Variants in PSD3 observed in about 807,000 individuals in gnomAD.
PSD3 encodes pleckstrin and Sec7 domain containing 3.
PSD3 carries 49 observed loss-of-function variants against 105.5 expected under a neutral mutation model. That is an observed-to-expected ratio of 0.46 (90% CI 0.37 to 0.59). PSD3 has a LOEUF of 0.59. Ranked by LOEUF, PSD3 falls within the 20% of genes least tolerant of loss-of-function variation. The pLI, the probability that PSD3 is intolerant of heterozygous loss-of-function variation, is 0.00. For missense variants in PSD3, 1,561 were observed against 1,263.8 expected (o/e 1.24, Z -3.57); for synonymous variants, 557 against 457.8 (o/e 1.22, Z -2.77).
At chr8:18,631,372 A>G (rs17695311) in intron 11 of PSD3, among the ~76,000 whole-genome samples, 5,403 of 152,082 alleles carry the variant, frequency 0.036, 125 homozygotes, top group East Asian at 0.1. Flanking sequence ...CCTCTCAGTG[A>G]TACAAGTCAG....
At chr8:18,780,721 T>C (rs1177736562) in intron 8 of PSD3, among the ~76,000 whole-genome samples, 4 of 151,884 alleles carry the variant, frequency 2.6e-5, no homozygotes, top group African/African-American at 4.8e-5. Flanking sequence ...GCCTGGCTAA[T>C]TTTTTTGTAT....
intron 4 of PSD3, among the ~76,000 whole-genome samples, chr8:18,853,316 T>C (rs534306248): frequency 5.9e-5 from 9 of 152,316 alleles, no homozygotes; most frequent in African/African-American, 9.6e-5. Context: ...GTTATAATCA[T>C]TGACTACCCT....
intron 2 of PSD3, among the ~76,000 whole-genome samples, chr8:18,889,503 A>G (rs1473658433): frequency 2.6e-5 from 4 of 152,138 alleles, no homozygotes; most frequent in African/African-American, 9.7e-5. Flanking sequence ...TATAGCCCAA[A>G]GCCTGCCAAA....
intron 11 of PSD3, among the ~76,000 whole-genome samples, chr8:18,606,403 G>T (rs946829826): frequency 6.6e-6 from 1 of 152,000 alleles, no homozygotes; most frequent in Non-Finnish European, 1.5e-5. Flanking sequence ...TTTATTCCTG[G>T]CCTAACAGGA....
At chr8:18,536,003 A>T (rs1264818522) in intron 15 of PSD3, 45 bp from the exon 16 acceptor site, 1 of 1,559,372 alleles carries the variant, frequency 6.4e-7, no homozygotes, top group Non-Finnish European at 8.8e-7. Context: ...AAACTGTTCA[A>T]AATGCACGTG....
intron 10 of PSD3, among the ~76,000 whole-genome samples, chr8:18,651,882 G>A (rs1476181190): frequency 6.6e-6 from 1 of 152,160 alleles, no homozygotes; most frequent in Non-Finnish European, 1.5e-5. Flanking sequence ...AGAACGTGAA[G>A]GGCCTAATTA....
intron 14 of PSD3, among the ~76,000 whole-genome samples, chr8:18,561,721 T>A (rs555009682): frequency 6.6e-6 from 1 of 152,172 alleles, no homozygotes; most frequent in Non-Finnish European, 1.5e-5. Flanking sequence ...TTTTCCTATT[T>A]ATATAGTACT....
chr8:18,640,364 G>A (rs1234187195), intron 10 of PSD3, among the ~76,000 whole-genome samples: 1 of 152,162 alleles, frequency 6.6e-6, no homozygotes, highest in Non-Finnish European at 1.5e-5. Flanking sequence ...CGGTTTGGCT[G>A]TGTCCCCACC....
intron 4 of PSD3, among the ~76,000 whole-genome samples, chr8:18,822,354 G>A (rs1812814032): frequency 6.6e-6 from 1 of 152,164 alleles, no homozygotes; most frequent in Admixed American, 6.5e-5. Context: ...GGCATCACTT[G>A]ACAGCAGAAC....
chr8:19,052,681 G>A (rs186890414), intron 1 of PSD3, among the ~76,000 whole-genome samples: 71 of 152,144 alleles, frequency 4.7e-4, no homozygotes, highest in Admixed American at 3.4e-3. Context: ...AAAGGAGTTC[G>A]GTAATATCAG....
chr8:18,782,554 G>C lies in PSD3; in HGVS notation c.2082+16741C>G, dbSNP rs112578113. On this transcript the variant is annotated intron_variant, in intron 8 of 15. Transcript: ENST00000327040. ...CAGGCAGGCCAGTTCTTAGGCAACA[G>C]TGATGGCAACTCTGGGATGGATATG... is the stretch of plus-strand genomic sequence containing the variant. Among the ~76,000 whole-genome samples, 845 of 152,322 alleles carry C rather than the reference G, an allele frequency of 5.5e-3. 6 individuals are homozygous for C. The highest frequency in any genetic ancestry group is 0.019 in the African/African-American group (802 of 41,570).
chr8:18,925,754 A>G (rs1326373831), intron 2 of PSD3, among the ~76,000 whole-genome samples: 2 of 152,216 alleles, frequency 1.3e-5, no homozygotes, highest in Non-Finnish European at 2.9e-5. Flanking sequence ...AACTACTGTT[A>G]ACGAGGAAGA....
At chr8:18,842,719 C>T (rs556863606) in intron 4 of PSD3, among the ~76,000 whole-genome samples, 475 of 148,100 alleles carry the variant, frequency 3.2e-3, no homozygotes, top group African/African-American at 0.011. Flanking sequence ...GGCGACAAAG[C>T]GAGACTCCGT....
At chr8:19,035,902 A>C (rs1424078894) in intron 1 of PSD3, among the ~76,000 whole-genome samples, 1 of 151,928 alleles carries the variant, frequency 6.6e-6, no homozygotes, top group Non-Finnish European at 1.5e-5. Context: ...TTGCAGGTGC[A>C]TACCACTATG....
chr8:19,012,191 T>C (rs1826981826), intron 1 of PSD3, among the ~76,000 whole-genome samples: 1 of 152,208 alleles, frequency 6.6e-6, no homozygotes, highest in Non-Finnish European at 1.5e-5. Flanking sequence ...AAAAAGCTTC[T>C]ATTAATGAAA....
intron 9 of PSD3, among the ~76,000 whole-genome samples, chr8:18,656,762 G>A (rs975145795): frequency 1.3e-5 from 2 of 151,882 alleles, no homozygotes; most frequent in African/African-American, 4.8e-5. Context: ...AGGCTGCAGT[G>A]CAGCGACTAT....
chr8:18,964,140 T>G (rs1426648458), intron 1 of PSD3, among the ~76,000 whole-genome samples: 1 of 152,246 alleles, frequency 6.6e-6, no homozygotes, highest in East Asian at 1.9e-4. Flanking sequence ...TGTTTGTTTC[T>G]GTTTTTGAGA....
intron 10 of PSD3, among the ~76,000 whole-genome samples, chr8:18,644,607 G>T (rs747188683): frequency 6.6e-6 from 1 of 152,116 alleles, no homozygotes; most frequent in Non-Finnish European, 1.5e-5. Flanking sequence ...GTCCCAGATG[G>T]TCCTTAAATT....
At chr8:18,820,836 C>G (rs1812639030) in intron 4 of PSD3, among the ~76,000 whole-genome samples, 2 of 149,978 alleles carry the variant, frequency 1.3e-5, no homozygotes, top group East Asian at 2.0e-4. Flanking sequence ...GAACTGCAGC[C>G]TCAGCCTCCT....
Sources: allele counts gnomAD v4.1 joint callset (sites outside exome capture counted in the v4.1 genomes callset), GRCh38; gene constraint gnomAD v4.1.1; transcripts MANE v1.5; gene names NCBI Gene and HGNC (gene_info 2026-07-23, HGNC 2026-07-21).